The following TESK2 variants were observed in gnomAD, a reference collection of about 807,000 sequenced individuals.
The protein encoded by TESK2 is dual specificity testis-specific protein kinase 2.
In TESK2, 39 loss-of-function variants were observed where a neutral mutation model predicts 57.1. The ratio of observed to expected loss-of-function variants is 0.68; its 90% CI spans 0.53 to 0.89. TESK2 has a LOEUF of 0.89. TESK2 is among the 40% of genes least tolerant of loss of function. TESK2 has a pLI of 0.00. For missense variants in TESK2, 646 were observed against 732.1 expected, an observed-to-expected ratio of 0.88 and a Z score of 1.36; for synonymous variants, 249 against 267.9, an observed-to-expected ratio of 0.93 and a Z score of 0.69.
chr1:45,489,315 C>T (rs1653616943), intron 1 of TESK2, among the ~76,000 whole-genome samples: 1 of 152,190 alleles, frequency 6.6e-6, no homozygotes, highest in South Asian at 2.1e-4. Flanking sequence ...TATTACCTTT[C>T]AAACAATGAT....
At chr1:45,429,208 G>A (rs1403651882) in intron 2 of TESK2, among the ~76,000 whole-genome samples, 2 of 152,130 alleles carry the variant, frequency 1.3e-5, no homozygotes, top group Non-Finnish European at 2.9e-5. Context: ...AGACCAGCCT[G>A]GCCAATATGG....
At chr1:45,457,415 A>G in intron 2 of TESK2, 149 bp downstream of exon 2, 1 of 669,776 alleles carries the variant, frequency 1.5e-6, no homozygotes, top group Non-Finnish European at 2.5e-6. Context: ...ATAAGTTAAT[A>G]AATAGCTTGA....
intron 4 of TESK2, among the ~76,000 whole-genome samples, chr1:45,368,763 T>G (rs184695440): frequency 2.6e-5 from 4 of 151,976 alleles, no homozygotes; most frequent in African/African-American, 9.7e-5. Context: ...TTGTTTGTTT[T>G]TTGAGATGGA....
chr1:45,442,837 G>A (rs1303233811), intron 2 of TESK2, among the ~76,000 whole-genome samples: 1 of 152,170 alleles, frequency 6.6e-6, no homozygotes, highest in Non-Finnish European at 1.5e-5. Flanking sequence ...CCAGGCTGGA[G>A]TGCAGTGGCG....
At chr1:45,346,241 A>G (rs1271314551) in intron 9 of TESK2, among the ~76,000 whole-genome samples, 1 of 152,174 alleles carries the variant, frequency 6.6e-6, no homozygotes, top group East Asian at 1.9e-4. Flanking sequence ...TGCTCATATT[A>G]GTTTATTCTG....
chr1:45,459,233 CA>C (rs1652238480), intron 1 of TESK2, among the ~76,000 whole-genome samples: 1 of 152,172 alleles, frequency 6.6e-6, no homozygotes, highest in African/African-American at 2.4e-5. Context: ...AGCTGCTGGC[CA>C]GGGGCATTTT....
intron 4 of TESK2, among the ~76,000 whole-genome samples, chr1:45,377,471 T>G (rs1469580348): frequency 3.4e-5 from 5 of 147,882 alleles, no homozygotes; most frequent in African/African-American, 1.2e-4. Flanking sequence ...CAGGCTGGAG[T>G]GCAGTGGTGC....
intron 4 of TESK2, among the ~76,000 whole-genome samples, chr1:45,370,674 G>A (rs979407702): frequency 2.0e-5 from 3 of 152,116 alleles, no homozygotes; most frequent in Non-Finnish European, 4.4e-5. Flanking sequence ...GTGTGTTCTG[G>A]GCAAAGAAAA....
At chr1:45,349,895 A>G (rs927066563) in intron 5 of TESK2, among the ~76,000 whole-genome samples, 1 of 152,230 alleles carries the variant, frequency 6.6e-6, no homozygotes. Context: ...TAATTCCAGC[A>G]CTTTGGAAGG....
At chr1:45,438,020 C>T (rs1048920214) in intron 2 of TESK2, among the ~76,000 whole-genome samples, 4 of 152,216 alleles carry the variant, frequency 2.6e-5, no homozygotes, top group African/African-American at 9.6e-5. Flanking sequence ...CACCCAATGA[C>T]TCTGAAAACT....
chr1:45,468,796 T>A (rs971133341), intron 1 of TESK2, among the ~76,000 whole-genome samples: 1 of 152,196 alleles, frequency 6.6e-6, no homozygotes, highest in African/African-American at 2.4e-5. Flanking sequence ...AGTGGGCAGG[T>A]GCTAGGGAAG....
At chr1:45,417,550 C>G (rs1000388457) in intron 3 of TESK2, among the ~76,000 whole-genome samples, 13 of 151,918 alleles carry the variant, frequency 8.6e-5, no homozygotes, top group Non-Finnish European at 5.9e-5. Flanking sequence ...TTGTGCACAT[C>G]CAAAAAATTG....
intron 4 of TESK2, among the ~76,000 whole-genome samples, chr1:45,357,047 T>A (rs191841820): frequency 2.6e-5 from 4 of 151,636 alleles, no homozygotes; most frequent in African/African-American, 7.3e-5. Context: ...TACAAAAAAA[T>A]TAGCTGAGCA....
intron 4 of TESK2, among the ~76,000 whole-genome samples, chr1:45,371,429 A>G (rs1648174611): frequency 6.6e-6 from 1 of 152,256 alleles, no homozygotes; most frequent in Non-Finnish European, 1.5e-5. Context: ...CAGCCATAAA[A>G]AGGAAGAAAA....
intron 2 of TESK2, among the ~76,000 whole-genome samples, chr1:45,428,013 AC>A (rs1362022776): frequency 1.3e-5 from 2 of 152,160 alleles, no homozygotes; most frequent in Non-Finnish European, 2.9e-5. Context: ...TATCTCATGT[AC>A]CCCATAAATA....
At chr1:45,346,101 A>T in intron 9 of TESK2, 107 bp from the exon 10 acceptor site, 1 of 870,580 alleles carries the variant, frequency 1.1e-6, no homozygotes. Flanking sequence ...TGCAGCTGAG[A>T]GACCTTTTCT....
At chr1:45,371,304 C>G (rs1330754156) in intron 4 of TESK2, among the ~76,000 whole-genome samples, 1 of 152,114 alleles carries the variant, frequency 6.6e-6, no homozygotes, top group Non-Finnish European at 1.5e-5. Flanking sequence ...ATTTGCATAC[C>G]CATGTTCATA....
intron 1 of TESK2, among the ~76,000 whole-genome samples, chr1:45,458,899 A>G (rs903499502): frequency 1.3e-5 from 2 of 152,102 alleles, no homozygotes; most frequent in Non-Finnish European, 2.9e-5. Flanking sequence ...CCCTCTTTCT[A>G]CTTTTTTCCA....
Position 45,344,900 on chromosome 1 carries a change from A to C in TESK2, c.1656T>G (p.Thr552=), listed in dbSNP as rs1259676421. 2 of 1,613,846 alleles carry C rather than the reference A, an allele frequency of 1.2e-6. No homozygotes were observed. The highest frequency in any genetic ancestry group is 1.7e-6 in the Non-Finnish European group (2 of 1,180,028). ...MEVEERPAGS[T]PATFSTSGIG... The stretch of plus-strand genomic sequence containing the variant: ...TGCCTGAGGTGGAGAAGGTGGCTGG[A>C]GTTGAGCCTGCTGGCCTTTCTTCTA... Residue 552 remains threonine (T), a synonymous_variant, in exon 11 of 11, where the codon ACT becomes ACG. Coordinates refer to ENST00000372086, the MANE Select transcript of TESK2 (RefSeq NM_007170.3).
Sources: allele counts gnomAD v4.1 joint callset (sites outside exome capture counted in the v4.1 genomes callset), GRCh38; gene constraint gnomAD v4.1.1; transcripts MANE v1.5; gene names NCBI Gene and HGNC (gene_info 2026-07-23, HGNC 2026-07-21).